Variants in MARCO observed in about 807,000 individuals in gnomAD.
The protein encoded by MARCO is macrophage receptor with collagenous structure, also known as macrophage receptor MARCO.
Under a neutral mutation model 70.0 loss-of-function variants are expected in MARCO, and 72 were observed. That is an observed-to-expected ratio of 1.03 (90% CI 0.85 to 1.25). MARCO has a LOEUF of 1.25. Among genes scored for constraint, MARCO ranks in the 50% most tolerant of loss-of-function variants. The pLI is 0.00. For missense variants in MARCO, 696 were observed against 659.3 expected, an observed-to-expected ratio of 1.06 and a Z score of -0.61; for synonymous variants, 273 against 243.1, an observed-to-expected ratio of 1.12 and a Z score of -1.14.
At chr2:118,964,890 A>C (rs77426590) in intron 1 of MARCO, among the ~76,000 whole-genome samples, 3 of 149,944 alleles carry the variant, frequency 2.0e-5, no homozygotes, top group Non-Finnish European at 4.4e-5. Context: ...ACCATCTCAA[A>C]AAAAAAAAAA....
rs764454123 is a variant in MARCO, at chr2:118,981,639, G to A, written c.884G>A (p.Gly295Glu). 1.9e-6 allele frequency: 3 copies of A among 1,613,942 alleles called. No homozygotes were observed. Among genetic ancestry groups the A allele is most frequent in the Non-Finnish European group, 2.5e-6 (3 of 1,179,988 alleles). The change falls in exon 10 of 17, where the codon GGA becomes GAA. Residue 295 changes from glycine to glutamate, a missense_variant. By Grantham distance (98) the Gly-to-Glu change is moderately conservative. Transcript: ENST00000327097. ...PGPPGLAGFP[G>E]AKGDQGQPGL... ...ATCTTAGGTTTGGCTGGTTTTCCTG[G>A]AGCTAAAGGAGATCAAGGTAAGAAC...
intron 1 of MARCO, among the ~76,000 whole-genome samples, chr2:118,967,216 C>T (rs894825955): frequency 3.9e-5 from 6 of 152,164 alleles, no homozygotes; most frequent in African/African-American, 1.4e-4. Context: ...GAGAAGGTGT[C>T]CTGAAGCAGG....
rs767302319 is a variant in MARCO, at chr2:118,977,852, A to G, written c.683A>G (p.Lys228Arg). 2.5e-6 allele frequency: 4 copies of G among 1,612,960 alleles called. No individual in the cohort carries two copies. The highest frequency in any genetic ancestry group is 3.4e-6 in the Non-Finnish European group (4 of 1,179,576). ...GGCACCCCAGGACCCCAAGGAGAGAAGGGCAGCAAAGGCGATGGGGGTCTC... is the reference window on the plus strand; with the variant it reads ...GGCACCCCAGGACCCCAAGGAGAGAGGGGCAGCAAAGGCGATGGGGGTCTC... Reference protein sequence around the residue: ...ATGTPGPQGEKGSKGDGGLIG... With the variant: ...ATGTPGPQGERGSKGDGGLIG... Residue 228 changes from lysine to arginine, a missense_variant, in exon 8 of 17, where the codon AAG becomes AGG. Transcript: ENST00000327097.
chr2:118,979,193 T>A (rs550254276), intron 8 of MARCO, among the ~76,000 whole-genome samples: 1 of 152,206 alleles, frequency 6.6e-6, no homozygotes, highest in Non-Finnish European at 1.5e-5. Context: ...TCAAAGGGCA[T>A]TTGTGGGAAA....
chr2:118,982,267 G>A lies in MARCO; in HGVS notation c.1000+13G>A, dbSNP rs1190691517. 4 of 1,612,978 alleles carry A rather than the reference G, an allele frequency of 2.5e-6. No individual in the cohort carries two copies. The highest frequency in any genetic ancestry group is 3.4e-6 in the Non-Finnish European group (4 of 1,179,116). On this transcript the variant is annotated intron_variant, in intron 11 of 16. Transcript: ENST00000327097. ...CCTGGGCGAGCAGGTGAGGTCCTGG[G>A]TCCTATGGTGGGCACAGGGAGTGAT...
chr2:118,948,485 GT>G, intron 1 of MARCO, among the ~76,000 whole-genome samples: 1 of 152,348 alleles, frequency 6.6e-6, no homozygotes, highest in Non-Finnish European at 1.5e-5. Context: ...CTGTGAGCAT[GT>G]TCAGCAGTTA....
chr2:118,955,454 T>C (rs1334130130), intron 1 of MARCO, among the ~76,000 whole-genome samples: 1 of 152,240 alleles, frequency 6.6e-6, no homozygotes, highest in South Asian at 2.1e-4. Flanking sequence ...TCTGGAATTA[T>C]GGTAAACAAC....
At chr2:118,971,718 C>T (rs912049204) in intron 4 of MARCO, among the ~76,000 whole-genome samples, 184 bp downstream of exon 4, 1 of 152,220 alleles carries the variant, frequency 6.6e-6, no homozygotes, top group Non-Finnish European at 1.5e-5. Context: ...GACTCCCAGA[C>T]CCTGGGCTGT....
In MARCO at chr2:118,977,848, G is replaced by C. The variant is rs1452355507; in HGVS notation, c.679G>C (p.Glu227Gln). 4 of 1,612,930 alleles carry C rather than the reference G, an allele frequency of 2.5e-6. No homozygotes were observed. The highest frequency in any genetic ancestry group is 3.4e-6 in the Non-Finnish European group (4 of 1,179,592). ...TGCAGGCACCCCAGGACCCCAAGGA[G>C]AGAAGGGCAGCAAAGGCGATGGGGG... ...GATGTPGPQG[E>Q]KGSKGDGGLI... Residue 227 changes from glutamate to glutamine, a missense_variant, in exon 8 of 17, where the codon GAG becomes CAG. Coordinates refer to ENST00000327097, the MANE Select transcript of MARCO (RefSeq NM_006770.4).
chr2:118,993,584 G>T (rs1216204291), intron 16 of MARCO, among the ~76,000 whole-genome samples: 1 of 152,204 alleles, frequency 6.6e-6, no homozygotes, highest in Admixed American at 6.5e-5. Flanking sequence ...ATGGCTGAGG[G>T]TGTTTGCCGC....
intron 1 of MARCO, among the ~76,000 whole-genome samples, chr2:118,967,214 G>A (rs1032477671): frequency 1.3e-5 from 2 of 152,244 alleles, no homozygotes; most frequent in Admixed American, 6.5e-5. Context: ...CAGAGAAGGT[G>A]TCCTGAAGCA....
chr2:118,988,282 T>C (rs577582817), intron 12 of MARCO, among the ~76,000 whole-genome samples: 1 of 152,062 alleles, frequency 6.6e-6, no homozygotes, highest in Non-Finnish European at 1.5e-5. Context: ...GGCTTCCCTA[T>C]GATTCCTGTC....
At chr2:118,955,326 T>C (rs1384833867) in intron 1 of MARCO, among the ~76,000 whole-genome samples, 1 of 152,142 alleles carries the variant, frequency 6.6e-6, no homozygotes, top group African/African-American at 2.4e-5. Context: ...GTCTCAGTGA[T>C]AGAATTGGAT....
Position 118,971,048 on chromosome 2 carries a change from C to T in MARCO, c.425-451C>T, listed in dbSNP as rs190945552. 1.6e-3 allele frequency among the ~76,000 whole-genome samples: 241 copies of T among 152,276 alleles called. 2 individuals are homozygous for T. The highest frequency in any genetic ancestry group is 5.7e-3 in the African/African-American group (237 of 41,554). On this transcript the variant is annotated intron_variant, in intron 3 of 16. Transcript: ENST00000327097. ...CCAATCCCTCCAGAGGCTGTGGCCT[C>T]CCCAGGGAGAAAAGACGAAGGCTGA... is the stretch of plus-strand genomic sequence containing the variant.
Position 118,970,246 on chromosome 2 carries a change from C to T in MARCO, c.332C>T (p.Ser111Leu), listed in dbSNP as rs777128371. 3.5e-5 allele frequency: 57 copies of T among 1,613,916 alleles called. No individual in the cohort carries two copies. Among genetic ancestry groups the T allele is most frequent in the African/African-American group, 6.7e-5 (5 of 74,902 alleles). Residue 111 changes from serine to leucine, a missense_variant, in exon 3 of 17, where the codon TCG becomes TTG. Transcript: ENST00000327097. ...HPGEHLAQGA[S>L]RLQVLQAQLT... ...GGAGAACACCTGGCTCAGGGTGCAT[C>T]GAGGCTGCAAGTCCTGCAGGCCCAA...
intron 1 of MARCO, among the ~76,000 whole-genome samples, chr2:118,951,222 A>G (rs943993682): frequency 4.6e-5 from 7 of 152,172 alleles, no homozygotes; most frequent in African/African-American, 1.7e-4. Context: ...TCCTGTCACC[A>G]AGGAGGAACC....
In MARCO at chr2:118,986,358, A is replaced by T. The variant is rs7425790; in HGVS notation, c.1063+3948A>T. 4.4e-3 allele frequency among the ~76,000 whole-genome samples: 396 copies of T among 89,198 alleles called. 1 individual carries two copies. The highest frequency in any genetic ancestry group is 7.0e-4 in the Non-Finnish European group (35 of 49,720). The allele number at this position is 89,198 out of a possible 152,430, so 58.5% of individuals were successfully genotyped here. On this transcript the variant is annotated intron_variant, in intron 12 of 16. Coordinates refer to ENST00000327097, the MANE Select transcript of MARCO (RefSeq NM_006770.4). ...CAATGTCCCCCTCTCTACAAAACAT[A>T]AAAAAATTAGCTGGGCATAGTGGCA...
intron 12 of MARCO, among the ~76,000 whole-genome samples, chr2:118,990,210 T>C (rs1282382074): frequency 6.6e-6 from 1 of 152,212 alleles, no homozygotes; most frequent in Non-Finnish European, 1.5e-5. Context: ...CACAGTCTTT[T>C]AGCAATAAAG....
At chr2:118,992,306 A>C in intron 14 of MARCO, 126 bp from the exon 15 acceptor site, 1 of 715,788 alleles carries the variant, frequency 1.4e-6, no homozygotes, top group Non-Finnish European at 2.5e-6. Context: ...ATGCCAGGCC[A>C]CAGGCGAGAC....
Sources: allele counts gnomAD v4.1 joint callset (sites outside exome capture counted in the v4.1 genomes callset), GRCh38; gene constraint gnomAD v4.1.1; transcripts MANE v1.5; gene names NCBI Gene and HGNC (gene_info 2026-07-23, HGNC 2026-07-21).